The following HERC3 variants were observed in gnomAD, a reference collection of about 807,000 sequenced individuals.
HERC3 encodes the protein probable E3 ubiquitin-protein ligase HERC3.
Under a neutral mutation model 129.9 loss-of-function variants are expected in HERC3, and 58 were observed. That is an observed-to-expected ratio of 0.45 (90% CI 0.36 to 0.56). The LOEUF is 0.56. HERC3 is among the 20% of genes least tolerant of loss of function. The pLI, the probability that HERC3 is intolerant of heterozygous loss-of-function variation, is 0.00. For missense variants in HERC3, 835 were observed against 1,244.2 expected, an observed-to-expected ratio of 0.67 and a Z score of 4.95; for synonymous variants, 430 against 451.0, an observed-to-expected ratio of 0.95 and a Z score of 0.59.
chr4:88,648,308 C>T (rs1246848044), intron 3 of HERC3, among the ~76,000 whole-genome samples: 1 of 152,162 alleles, frequency 6.6e-6, no homozygotes, highest in African/African-American at 2.4e-5. Context: ...TGTAAGATTC[C>T]TGGTTCCTAA....
chr4:88,699,483 C>T (rs1735128499), intron 23 of HERC3, among the ~76,000 whole-genome samples: 1 of 147,952 alleles, frequency 6.8e-6, no homozygotes, highest in Non-Finnish European at 1.5e-5. Context: ...ACCATCTTCT[C>T]TGCCTTCTTT....
chr4:88,554,345 C>CAAAA, the HERC3 span, among the ~76,000 whole-genome samples: 106 of 59,728 alleles, frequency 1.8e-3, no homozygotes, highest in East Asian at 7.2e-3. Context: ...ACTCCATCTC[C>CAAAA]AAAAAAAAAA....
At chr4:88,651,808 G>A (rs796575072) in intron 4 of HERC3, among the ~76,000 whole-genome samples, 18 of 152,164 alleles carry the variant, frequency 1.2e-4, no homozygotes, top group African/African-American at 3.9e-4. Flanking sequence ...GGCTGGTCTC[G>A]AACTCCTGAC....
chr4:88,652,787 CA>C (rs1013849292), intron 5 of HERC3, 81 bp from the exon 6 acceptor site: 41 of 1,415,838 alleles, frequency 2.9e-5, no homozygotes, highest in Non-Finnish European at 3.8e-5. Context: ...GGGCAACTGG[CA>C]AATGACCCTA....
the HERC3 span, among the ~76,000 whole-genome samples, chr4:88,556,356 C>T: frequency 6.6e-6 from 1 of 152,078 alleles, no homozygotes; most frequent in Non-Finnish European, 1.5e-5. Flanking sequence ...TGCAAGTAAA[C>T]CCTAATAGCT....
At chr4:88,579,224 AAAAAAAAAAT>A in the HERC3 span, among the ~76,000 whole-genome samples, 29,483 of 137,278 alleles carry the variant, frequency 0.21, 5,405 homozygotes, top group African/African-American at 0.55. Flanking sequence ...TCTACTAAAA[AAAAAAAAAAT>A]ATATATATAT....
At chr4:88,687,394 A>G (rs936862328) in intron 23 of HERC3, 95 bp downstream of exon 23, 8 of 669,350 alleles carry the variant, frequency 1.2e-5, no homozygotes, top group Non-Finnish European at 1.9e-5. Flanking sequence ...TTTAATATTA[A>G]TACCTTCTTC....
At chr4:88,570,328 T>A in the HERC3 span, among the ~76,000 whole-genome samples, 1 of 152,234 alleles carries the variant, frequency 6.6e-6, no homozygotes, top group Admixed American at 6.5e-5. Context: ...TTGAGAGAAG[T>A]GTTCATGAAC....
intron 23 of HERC3, among the ~76,000 whole-genome samples, chr4:88,698,282 T>A (rs1218447927): frequency 2.0e-5 from 3 of 152,156 alleles, no homozygotes; most frequent in Admixed American, 2.0e-4. Context: ...GCAAGCTGGC[T>A]CCATTCCACC....
intron 3 of HERC3, among the ~76,000 whole-genome samples, chr4:88,614,512 A>G (rs1174572876): frequency 3.3e-5 from 5 of 152,296 alleles, no homozygotes; most frequent in Non-Finnish European, 2.9e-5. Flanking sequence ...TTTATTGTTT[A>G]AATACAAATA....
At chr4:88,704,428 C>T in intron 24 of HERC3, 80 bp from the exon 25 acceptor site, 1 of 1,220,818 alleles carries the variant, frequency 8.2e-7, no homozygotes, top group South Asian at 1.3e-5. Context: ...TATTTCTTAG[C>T]CTCAAATGCA....
chr4:88,607,560 C>A (rs1421345160), intron 3 of HERC3, among the ~76,000 whole-genome samples: 5 of 152,090 alleles, frequency 3.3e-5, no homozygotes, highest in Admixed American at 2.6e-4. Flanking sequence ...GCCTCCCAGG[C>A]TGCAGATATC....
chr4:88,573,893 C>T, the HERC3 span, among the ~76,000 whole-genome samples: 1 of 152,132 alleles, frequency 6.6e-6, no homozygotes. Flanking sequence ...AGCAACAAAA[C>T]ACAACTGAAA....
the HERC3 span, among the ~76,000 whole-genome samples, chr4:88,578,834 A>G: frequency 1.2e-4 from 18 of 152,294 alleles, no homozygotes; most frequent in South Asian, 2.1e-4. Context: ...AAGATCATAT[A>G]GTGGGAAAGA....
At chr4:88,550,114 G>A in the HERC3 span, among the ~76,000 whole-genome samples, 4 of 152,112 alleles carry the variant, frequency 2.6e-5, no homozygotes, top group Non-Finnish European at 5.9e-5. Flanking sequence ...ACTTGGGGAG[G>A]GACTTGTGTG....
At chr4:88,648,878 A>G (rs1451639297) in intron 3 of HERC3, among the ~76,000 whole-genome samples, 1 of 150,480 alleles carries the variant, frequency 6.6e-6, no homozygotes, top group Non-Finnish European at 1.5e-5. Context: ...CTTCATTTCT[A>G]ACTTTCAATC....
Position 88,662,471 on chromosome 4 carries a change from C to A in HERC3, c.1187C>A (p.Ala396Glu), listed in dbSNP as rs1235502752. The A allele has an allele frequency of 1.2e-6, 2 of 1,612,814 alleles. No homozygotes were observed. The highest frequency in any genetic ancestry group is 1.7e-5 in the Admixed American group (1 of 59,952). The change falls in exon 11 of 26, where the codon GCA becomes GAA. Residue 396 changes from alanine (A) to glutamate (E), a missense_variant. Coordinates refer to ENST00000402738, the MANE Select transcript of HERC3 (RefSeq NM_014606.3). ...PAVDFRTMNQ[A>E]HYTSLINDET... ...GTTGACTTCAGGACTATGAACCAAG[C>A]ACATTATACCAGTTTAATAAATGAT... is the stretch of plus-strand genomic sequence containing the variant.
the HERC3 span, among the ~76,000 whole-genome samples, chr4:88,555,736 A>G: frequency 4.7e-3 from 723 of 152,352 alleles, 13 homozygotes; most frequent in African/African-American, 0.016. Flanking sequence ...ATGGTTGCTG[A>G]AGTGAGGATG....
chr4:88,557,351 A>G, the HERC3 span, among the ~76,000 whole-genome samples: 1 of 152,358 alleles, frequency 6.6e-6, no homozygotes, highest in Admixed American at 6.5e-5. Flanking sequence ...AGTCATAAAT[A>G]CAGTCAAATC....
Sources: gnomAD v4.1 joint callset for allele counts (sites outside exome capture counted in the v4.1 genomes callset) on GRCh38, gnomAD v4.1.1 for gene constraint, MANE v1.5 for transcripts, NCBI Gene and HGNC (gene_info 2026-07-23, HGNC 2026-07-21) for gene names.